Variants in CNTN1 observed in about 807,000 individuals in gnomAD.
CNTN1 encodes contactin-1.
A neutral mutation model predicts 126.4 loss-of-function variants in CNTN1; 38 were observed. That is an observed-to-expected ratio of 0.30 (90% CI 0.23 to 0.39). The LOEUF is 0.39. CNTN1 is among the 10% of genes least tolerant of loss of function. The pLI is 1.00. For synonymous variants in CNTN1, 413 were observed against 422.6 expected (o/e 0.98, Z 0.28); for missense variants, 1,009 against 1,248.4 (o/e 0.81, Z 2.89).
chr12:41,026,634 T>C (rs1949042702), intron 21 of CNTN1, among the ~76,000 whole-genome samples: 1 of 152,202 alleles, frequency 6.6e-6, no homozygotes, highest in African/African-American at 2.4e-5. Context: ...GTCCAGGGCA[T>C]AGGTTCTGAG....
At chr12:40,997,169 C>G (rs1566111435) in intron 17 of CNTN1, among the ~76,000 whole-genome samples, 1 of 152,192 alleles carries the variant, frequency 6.6e-6, no homozygotes, top group Non-Finnish European at 1.5e-5. Flanking sequence ...TTAATTTTGA[C>G]TGTAGAAAAG....
intron 1 of CNTN1, among the ~76,000 whole-genome samples, chr12:40,839,537 T>C (rs1400895207): frequency 6.6e-6 from 1 of 152,046 alleles, no homozygotes; most frequent in Non-Finnish European, 1.5e-5. Flanking sequence ...AGAGAAAATA[T>C]CTAGTCATCT....
intron 1 of CNTN1, among the ~76,000 whole-genome samples, chr12:40,840,488 A>G (rs1207301530): frequency 6.6e-6 from 1 of 152,078 alleles, no homozygotes; most frequent in East Asian, 1.9e-4. Flanking sequence ...TTTAGTCCAA[A>G]TGGACATAAT....
At chr12:40,948,215 T>C (rs1592303597) in intron 14 of CNTN1, among the ~76,000 whole-genome samples, 1 of 151,614 alleles carries the variant, frequency 6.6e-6, no homozygotes, top group Admixed American at 6.6e-5. Context: ...TCATCCCCCA[T>C]TGGAAATTCC....
chr12:40,832,550 T>A (rs1298674632), intron 1 of CNTN1, among the ~76,000 whole-genome samples: 1 of 152,158 alleles, frequency 6.6e-6, no homozygotes, highest in Non-Finnish European at 1.5e-5. Flanking sequence ...TTAAGTACAC[T>A]TCGTGATGTT....
chr12:40,991,186 C>T (rs111278092), intron 16 of CNTN1, among the ~76,000 whole-genome samples: 6,153 of 152,244 alleles, frequency 0.04, 187 homozygotes, highest in Middle Eastern at 0.065. Context: ...CTGATGGCTC[C>T]ACATATCCCT....
chr12:40,849,134 G>C (rs929376123), intron 1 of CNTN1, among the ~76,000 whole-genome samples: 3 of 151,930 alleles, frequency 2.0e-5, no homozygotes, highest in Non-Finnish European at 2.9e-5. Flanking sequence ...CTAAGCTTCA[G>C]GCTACTGATC....
chr12:41,063,283 TAGAG>T (rs1949978093), intron 23 of CNTN1, among the ~76,000 whole-genome samples: 2 of 152,176 alleles, frequency 1.3e-5, no homozygotes, highest in African/African-American at 4.8e-5. Flanking sequence ...AAAGGCAAAT[TAGAG>T]AGGTTTTAAA....
chr12:40,798,584 T>C (rs148112373), intron 1 of CNTN1, among the ~76,000 whole-genome samples: 1 of 152,016 alleles, frequency 6.6e-6, no homozygotes, highest in Non-Finnish European at 1.5e-5. Flanking sequence ...ATCATATCCT[T>C]TGCAGGGACA....
At position 40,712,361 on chromosome 12, in the gene CNTN1, T is replaced by C. The variant is rs558607515; in HGVS notation, c.-77+19769T>C. On this transcript the variant is annotated intron_variant, in intron 1 of 23. Transcript: ENST00000551295. ...AGGCCATATGATTTTCTGTGACCAA[T>C]GTAATAGTAGTGGATAGGAACTAAG... Among the ~76,000 whole-genome samples, 18 of 152,298 alleles carry C rather than the reference T, an allele frequency of 1.2e-4. No homozygotes were observed. The East Asian group carries it at 3.5e-3, about 29-fold the overall frequency.
At chr12:40,980,813 CT>C in intron 15 of CNTN1, 95 bp from the exon 16 acceptor site, 1 of 1,134,800 alleles carries the variant, frequency 8.8e-7, no homozygotes, top group Non-Finnish European at 1.3e-6. Flanking sequence ...GACAAATGTT[CT>C]TTAGATTAAT....
intron 1 of CNTN1, among the ~76,000 whole-genome samples, chr12:40,780,686 GAAAA>G (rs11393889): frequency 7.8e-6 from 1 of 128,276 alleles, no homozygotes; most frequent in Admixed American, 8.2e-5. Flanking sequence ...TTCCATCTAA[GAAAA>G]AAAAAAAAAA....
At chr12:40,831,269 T>C (rs1425016402) in intron 1 of CNTN1, among the ~76,000 whole-genome samples, 1 of 151,196 alleles carries the variant, frequency 6.6e-6, no homozygotes, top group African/African-American at 2.4e-5. Flanking sequence ...TACTTATGGA[T>C]GATTAGGAGG....
chr12:41,014,198 G>A, intron 17 of CNTN1, 30 bp from the exon 18 acceptor site: 2 of 1,610,068 alleles, frequency 1.2e-6, no homozygotes, highest in Non-Finnish European at 1.7e-6. Flanking sequence ...TTTTGTTGTT[G>A]TTTTGCATAT....
intron 1 of CNTN1, among the ~76,000 whole-genome samples, chr12:40,839,473 A>G (rs548371043): frequency 6.6e-6 from 1 of 152,338 alleles, no homozygotes; most frequent in African/African-American, 2.4e-5. Flanking sequence ...TCCATGGCAC[A>G]TTATAGTATG....
chr12:40,929,234 T>C (rs1378085144), intron 6 of CNTN1, among the ~76,000 whole-genome samples: 1 of 151,884 alleles, frequency 6.6e-6, no homozygotes, highest in Non-Finnish European at 1.5e-5. Context: ...CTCCTAATAT[T>C]TAATTAAACC....
At chr12:40,823,895 A>G (rs567315539) in intron 1 of CNTN1, among the ~76,000 whole-genome samples, 1 of 152,266 alleles carries the variant, frequency 6.6e-6, no homozygotes, top group South Asian at 2.1e-4. Context: ...TGTAATACTT[A>G]GTACTACTAC....
chr12:41,018,098 A>AT (rs1371072972), intron 19 of CNTN1, among the ~76,000 whole-genome samples: 12 of 151,408 alleles, frequency 7.9e-5, no homozygotes, highest in Non-Finnish European at 1.6e-4. Context: ...CTCAAAAAAA[A>AT]AAAATAATAA....
At chr12:40,970,527 G>A (rs1299785887) in intron 15 of CNTN1, among the ~76,000 whole-genome samples, 1 of 151,964 alleles carries the variant, frequency 6.6e-6, no homozygotes, top group South Asian at 2.1e-4. Flanking sequence ...GGGCAGTAGT[G>A]GCTATAAAAT....
Sources: allele counts gnomAD v4.1 joint callset (sites outside exome capture counted in the v4.1 genomes callset), GRCh38; gene constraint gnomAD v4.1.1; transcripts MANE v1.5; gene names NCBI Gene and HGNC (gene_info 2026-07-23, HGNC 2026-07-21).